Variants in RTTN observed in about 807,000 individuals in gnomAD.
RTTN encodes rotatin.
Under a neutral mutation model 269.2 loss-of-function variants are expected in RTTN, and 182 were observed. That is an observed-to-expected ratio of 0.68 (90% CI 0.60 to 0.76). RTTN has a LOEUF of 0.76. RTTN is among the 30% of genes least tolerant of loss of function. RTTN has a pLI of 0.00. For synonymous variants in RTTN, 1,006 were observed against 963.5 expected (o/e 1.04, Z -0.82); for missense variants, 2,545 against 2,608.6 (o/e 0.98, Z 0.53).
At position 70,017,508 on chromosome 18, in the gene RTTN, T is replaced by G. The variant is rs754328072; in HGVS notation, c.6320A>C (p.Glu2107Ala). 17 of 1,614,076 alleles carry G rather than the reference T, an allele frequency of 1.1e-5. No individual in the cohort carries two copies. The South Asian group carries it at 1.6e-4, about 16-fold the overall frequency. Residue 2107 changes from glutamate to alanine, a missense_variant, in exon 46 of 49, where the codon GAG becomes GCG. Coordinates refer to ENST00000640769, the MANE Select transcript of RTTN (RefSeq NM_173630.4). ...RLDGCLDLLT[E>A]MSKYKHKSSP... ...GCTCTTGTGCTTGTATTTGCTCATC[T>G]CTGTTAGTAAGTCTAGACAGCCATC... is the stretch of plus-strand genomic sequence containing the variant.
intron 3 of RTTN, among the ~76,000 whole-genome samples, chr18:70,203,721 T>C (rs1465098010): frequency 6.6e-6 from 1 of 152,212 alleles, no homozygotes; most frequent in Non-Finnish European, 1.5e-5. Flanking sequence ...AGGACAGATA[T>C]CATTATACTC....
At chr18:70,061,462 TAG>T in intron 35 of RTTN, 1 of 455,882 alleles carries the variant, frequency 2.2e-6, no homozygotes, top group Non-Finnish European at 4.4e-6. Context: ...CATTGCTATT[TAG>T]AGTGTCATTG....
In RTTN at chr18:70,184,713, T is replaced by TG. The variant is rs1568532179; in HGVS notation, c.1305+3394_1305+3395insC. Among the ~76,000 whole-genome samples, 60 of 65,926 alleles carry TG rather than the reference T, an allele frequency of 9.1e-4. 1 individual carries two copies. The highest frequency in any genetic ancestry group is 4.9e-3 in the African/African-American group (58 of 11,812). The allele number at this position is 65,926 out of a possible 152,430, so 43.3% of individuals were successfully genotyped here. ...TCAAAACCACAGCAGGTTTTTTTTT[T>TG]TTTTGTGTGTGTGTGTGTGTGTGTG... is the stretch of plus-strand genomic sequence containing the variant. On this transcript the variant is annotated intron_variant, in intron 10 of 48. Transcript: ENST00000640769.
intron 8 of RTTN, 60 bp downstream of exon 8, chr18:70,193,228 T>A: frequency 5.0e-6 from 7 of 1,393,142 alleles, no homozygotes; most frequent in Non-Finnish European, 6.8e-6. Context: ...CTTCTGAAAT[T>A]AACACACACA....
chr18:70,204,852 T>C (rs996535080), intron 2 of RTTN, among the ~76,000 whole-genome samples: 2 of 152,114 alleles, frequency 1.3e-5, no homozygotes, highest in Admixed American at 1.3e-4. Context: ...AAAAACAGAA[T>C]ACAAATATTA....
intron 34 of RTTN, among the ~76,000 whole-genome samples, chr18:70,069,886 TTTCTAAGAGA>T (rs2058249614): frequency 1.3e-5 from 2 of 152,112 alleles, no homozygotes; most frequent in Admixed American, 6.5e-5. Flanking sequence ...ATATGAAGGG[TTTCTAAGAGA>T]TTCTAAGCTT....
At chr18:70,193,201 A>C in intron 8 of RTTN, 87 bp downstream of exon 8, 31 of 1,166,572 alleles carry the variant, frequency 2.7e-5, no homozygotes, top group Non-Finnish European at 3.2e-5. Context: ...AAAAAAGGAC[A>C]GAAAAATAAT....
intron 40 of RTTN, among the ~76,000 whole-genome samples, chr18:70,041,882 A>G (rs930292): frequency 0.81 from 122,608 of 151,966 alleles, 53,896 homozygotes; most frequent in East Asian, 1. Flanking sequence ...TCAGAAGACC[A>G]TTCTCCAGGG....
At chr18:70,205,347 T>C in intron 1 of RTTN, 32 bp from the exon 2 acceptor site, 1 of 1,610,590 alleles carries the variant, frequency 6.2e-7, no homozygotes, top group Non-Finnish European at 8.5e-7. Context: ...CTATTTTATT[T>C]CCCGACTGCA....
intron 37 of RTTN, among the ~76,000 whole-genome samples, chr18:70,055,488 C>T (rs1033638496): frequency 6.6e-6 from 1 of 152,140 alleles, no homozygotes; most frequent in Non-Finnish European, 1.5e-5. Flanking sequence ...ATACGTCCTC[C>T]CTTTATCTAA....
chr18:70,065,263 T>C (rs1364269260), intron 35 of RTTN, among the ~76,000 whole-genome samples: 16 of 88,702 alleles, frequency 1.8e-4, no homozygotes, highest in Middle Eastern at 6.9e-3. Context: ...ATATACTCTC[T>C]AGAATTTAAA....
intron 17 of RTTN, among the ~76,000 whole-genome samples, chr18:70,147,042 C>A (rs1306421381): frequency 2.0e-5 from 3 of 152,172 alleles, no homozygotes; most frequent in East Asian, 1.9e-4. Context: ...ACAGGTATAA[C>A]CCCTAGCAAA....
intron 32 of RTTN, among the ~76,000 whole-genome samples, chr18:70,080,568 AAAT>A (rs1330523825): frequency 6.6e-6 from 1 of 152,228 alleles, no homozygotes; most frequent in African/African-American, 2.4e-5. Flanking sequence ...GTGAATCACT[AAAT>A]AAGCAAGGAA....
chr18:70,094,818 A>G (rs925269857), intron 28 of RTTN, among the ~76,000 whole-genome samples: 1 of 151,348 alleles, frequency 6.6e-6, no homozygotes, highest in East Asian at 1.9e-4. Context: ...TCCAGAGCTG[A>G]GTTCAACTCT....
chr18:70,136,762 T>G (rs1033915791), intron 21 of RTTN, among the ~76,000 whole-genome samples: 1 of 152,148 alleles, frequency 6.6e-6, no homozygotes, highest in Non-Finnish European at 1.5e-5. Context: ...ACCATTATCT[T>G]ATAAAATCTC....
Position 70,030,044 on chromosome 18 carries a change from G to C in RTTN, c.5713C>G (p.Leu1905Val). 1.9e-6 allele frequency: 3 copies of C among 1,612,778 alleles called. No homozygotes were observed. The highest frequency in any genetic ancestry group is 2.5e-6 in the Non-Finnish European group (3 of 1,179,556). The change falls in exon 42 of 49, where the codon CTG (leucine) becomes GTG (valine). Residue 1905 changes from leucine (L) to valine (V), a missense_variant. By Grantham distance (32) the Leu-to-Val change is conservative. Transcript: ENST00000640769. ...HINAQLNLDS[L>V]RPGKAALKKK... ...TTCAATGCTGCTTTCCCAGGCCTCAGAGAATCTAGGTTCAGTTGTGCATTT... is the reference window on the plus strand; with the variant it reads ...TTCAATGCTGCTTTCCCAGGCCTCACAGAATCTAGGTTCAGTTGTGCATTT...
intron 38 of RTTN, among the ~76,000 whole-genome samples, chr18:70,052,715 A>G (rs1304772381): frequency 1.3e-5 from 2 of 150,666 alleles, no homozygotes; most frequent in Non-Finnish European, 3.0e-5. Context: ...CAACAGCAAT[A>G]TAATAAATTC....
chr18:70,126,358 C>A lies in RTTN; in HGVS notation c.3383+1144G>T, dbSNP rs796643187. ...TAAAGTGAAGGATTTATGCATTCTTCAACTGGCGAGACTGTTTAAATGCGG... is the reference window on the plus strand; with the variant it reads ...TAAAGTGAAGGATTTATGCATTCTTAAACTGGCGAGACTGTTTAAATGCGG... On this transcript the variant is annotated intron_variant, in intron 25 of 48. Coordinates refer to ENST00000640769, the MANE Select transcript of RTTN (RefSeq NM_173630.4). Among the ~76,000 whole-genome samples the A allele has an allele frequency of 2.0e-5, 3 of 152,074 alleles. No homozygotes were observed. In the South Asian group the frequency reaches 6.2e-4, roughly 32 times the overall value.
At chr18:70,146,331 G>C (rs1364003297) in intron 17 of RTTN, among the ~76,000 whole-genome samples, 1 of 152,150 alleles carries the variant, frequency 6.6e-6, no homozygotes, top group Non-Finnish European at 1.5e-5. Flanking sequence ...AGCTGAGTGG[G>C]GAGGTGGGAG....
Sources: gnomAD v4.1 joint callset for allele counts (sites outside exome capture counted in the v4.1 genomes callset) on GRCh38, gnomAD v4.1.1 for gene constraint, MANE v1.5 for transcripts, NCBI Gene and HGNC (gene_info 2026-07-23, HGNC 2026-07-21) for gene names.